The following MDN1 variants were observed in gnomAD, a reference collection of about 807,000 sequenced individuals.
MDN1 encodes midasin.
In MDN1, 266 loss-of-function variants were observed where a neutral mutation model predicts 669.2. The ratio of observed to expected loss-of-function variants is 0.40; its 90% CI spans 0.36 to 0.44. The LOEUF (loss-of-function observed/expected upper bound fraction) is 0.44. MDN1 is among the 20% of genes least tolerant of loss of function. The pLI is 1.00. For missense variants in MDN1, 5,940 were observed against 6,754.0 expected (o/e 0.88, Z 4.22); for synonymous variants, 2,385 against 2,457.1 (o/e 0.97, Z 0.87).
intron 18 of MDN1, 73 bp from the exon 19 acceptor site, chr6:89,758,424 G>A: frequency 8.0e-7 from 1 of 1,249,868 alleles, no homozygotes; most frequent in Non-Finnish European, 1.1e-6. Flanking sequence ...GGCCCAGCCA[G>A]CCTGATGCTG....
chr6:89,664,633 A>C lies in MDN1; in HGVS notation c.14095-5T>G. 6.3e-7 allele frequency: 1 copy of C among 1,598,954 alleles called. No homozygotes were observed. Among genetic ancestry groups the C allele is most frequent in the Non-Finnish European group, 8.5e-7 (1 of 1,170,416 alleles). The stretch of plus-strand genomic sequence containing the variant: ...CTTCTGAAATGTATCTTCCACCTAC[A>C]TAAAGAAGTATTAAACATAAATAAA... On this transcript the variant is annotated splice_region_variant and splice_polypyrimidine_tract_variant and intron_variant, in intron 84 of 101. Transcript: ENST00000369393.
chr6:89,803,326 A>C lies in MDN1; in HGVS notation c.329+2T>G, dbSNP rs1326827251. On this transcript the variant is annotated splice_donor_variant, in intron 2 of 101. Transcript: ENST00000369393. LOFTEE classifies it high-confidence loss of function. ...AATGCGAATAATAAAATTGCTACTC[A>C]CGGGAGGACATCAGGATGGTTACCA... is the stretch of plus-strand genomic sequence containing the variant. 1 of 1,612,342 alleles carries C rather than the reference A, an allele frequency of 6.2e-7. No homozygotes were observed. The highest frequency in any genetic ancestry group is 1.1e-5 in the South Asian group (1 of 91,040).
At chr6:89,662,711 A>T in intron 86 of MDN1, 81 bp downstream of exon 86, 1 of 1,418,722 alleles carries the variant, frequency 7.0e-7, no homozygotes, top group Non-Finnish European at 9.7e-7. Context: ...AAAAGAAGAG[A>T]AGTAAATGAC....
At chr6:89,809,993 TAAAAAAAAAAAAAAAAAAAAAA>T (rs61558155) in intron 1 of MDN1, among the ~76,000 whole-genome samples, 1 of 52,840 alleles carries the variant, frequency 1.9e-5, no homozygotes, top group African/African-American at 7.8e-5. Flanking sequence ...TCCGTTTCAC[TAAAAAAAAAAAAAAAAAAAAAA>T]AAAAAAAAAA....
At chr6:89,706,001 T>A (rs1203351676) in intron 53 of MDN1, 58 bp downstream of exon 53, 13 of 1,470,560 alleles carry the variant, frequency 8.8e-6, no homozygotes, top group Non-Finnish European at 1.2e-5. Context: ...CTAAGAATCT[T>A]TATGCCAAGA....
chr6:89,732,582 C>T lies in MDN1; in HGVS notation c.4917G>A (p.Leu1639=). The change falls in exon 34 of 102, where the codon CTG becomes CTA. Residue 1639 remains leucine (L), a synonymous_variant. Transcript: ENST00000369393. The part of the protein sequence containing the change: ...TVTSFVHAAC[L]VYIDGIGSGV... ...CTGAACCTATTCCATCTATGTACACCAGGCATGCAGCATGGACAAAAGATG... is the reference window on the plus strand; with the variant it reads ...CTGAACCTATTCCATCTATGTACACTAGGCATGCAGCATGGACAAAAGATG... 1 of 1,614,108 alleles carries T rather than the reference C, an allele frequency of 6.2e-7. No individual in the cohort carries two copies. Among genetic ancestry groups the T allele is most frequent in the South Asian group, 1.1e-5 (1 of 91,070 alleles).
At chr6:89,725,137 AT>A (rs1815132428) in intron 38 of MDN1, 61 bp downstream of exon 38, 50 of 1,465,482 alleles carry the variant, frequency 3.4e-5, no homozygotes, top group Non-Finnish European at 4.7e-5. Context: ...TAAAGGCTTC[AT>A]AATAGTAGTC....
At chr6:89,726,779 A>C (rs1815266615) in intron 37 of MDN1, among the ~76,000 whole-genome samples, 2 of 152,190 alleles carry the variant, frequency 1.3e-5, no homozygotes, top group Non-Finnish European at 2.9e-5. Context: ...TAACATAGAA[A>C]AAGGAGATCG....
In MDN1 at chr6:89,707,422, A is replaced by T; in HGVS notation, c.7953T>A (p.Val2651=). 6.2e-7 allele frequency: 1 copy of T among 1,614,136 alleles called. No homozygotes were observed. The highest frequency in any genetic ancestry group is 8.5e-7 in the Non-Finnish European group (1 of 1,179,988). ...CTCTTAGCTTTTTGCTACCAACAGA[A>T]ACCAAATTTGCTTCAGTAAAAACCC... ...EKRVFTEANL[V]SVGSKKLRES... is the part of the protein sequence containing the mutation. The change falls in exon 52 of 102, where the codon GTT becomes GTA. Residue 2651 remains valine, a synonymous_variant. Coordinates refer to ENST00000369393, the MANE Select transcript of MDN1 (RefSeq NM_014611.3).
chr6:89,746,601 A>AC (rs1816631340), intron 27 of MDN1, among the ~76,000 whole-genome samples: 3 of 48,318 alleles, frequency 6.2e-5, no homozygotes, highest in African/African-American at 2.3e-4. Flanking sequence ...CTCAAAAAAA[A>AC]AAAAAAAAAA....
rs765830778 is a variant in MDN1 at position 89,750,426 on chromosome 6, C to T, written c.3334G>A (p.Glu1112Lys). 6.2e-6 allele frequency: 10 copies of T among 1,613,876 alleles called. No individual in the cohort carries two copies. Among genetic ancestry groups the T allele is most frequent in the Admixed American group, 1.7e-5 (1 of 59,988 alleles). ...ATGTACTCCTGAATATCCGTGTGTT[C>T]GTGATTATTAATACGCACACAGTGG... ...GNHCVRINNH[E>K]HTDIQEYIGC... is the part of the protein sequence containing the mutation. The change falls in exon 24 of 102, where the codon GAA (glutamate) becomes AAA (lysine). Residue 1112 changes from glutamate (E) to lysine (K), a missense_variant. Glu to Lys is a moderately conservative substitution (Grantham distance 56). Coordinates refer to ENST00000369393, the MANE Select transcript of MDN1 (RefSeq NM_014611.3).
At chr6:89,683,928 A>C in intron 71 of MDN1, 24 bp from the exon 72 acceptor site, 1 of 1,563,194 alleles carries the variant, frequency 6.4e-7, no homozygotes, top group Non-Finnish European at 8.8e-7. Flanking sequence ...GATGTTCAAG[A>C]AATGGCTTTA....
chr6:89,758,355 T>G lies in MDN1; in HGVS notation c.2606-4A>C. The G allele has an allele frequency of 6.3e-7, 1 of 1,599,048 alleles. No homozygotes were observed. ...TCAGGATGCCGAACCAGTGGCTCTG[T>G]TAAGAGAAAATTACAAATTCTCAAC... On this transcript the variant is annotated splice_polypyrimidine_tract_variant and splice_region_variant and intron_variant, in intron 18 of 101. Coordinates refer to ENST00000369393, the MANE Select transcript of MDN1 (RefSeq NM_014611.3).
chr6:89,809,833 T>TAAAACAAAATAAAAA (rs1252511994), intron 1 of MDN1, among the ~76,000 whole-genome samples: 2 of 135,870 alleles, frequency 1.5e-5, no homozygotes, highest in African/African-American at 5.5e-5. Flanking sequence ...TAAAATAAAA[T>TAAAACAAAATAAAAA]AAAAAATTAG....
At chr6:89,689,271 G>A (rs1171489156) in intron 65 of MDN1, among the ~76,000 whole-genome samples, 2 of 152,226 alleles carry the variant, frequency 1.3e-5, no homozygotes, top group African/African-American at 4.8e-5. Flanking sequence ...AAGCTCTCAA[G>A]TTTCTGGAAT....
Position 89,747,457 on chromosome 6 carries a change from C to A in MDN1, c.3776G>T (p.Ser1259Ile), listed in dbSNP as rs1372615024. The change falls in exon 27 of 102, where the codon AGT becomes ATT. Residue 1259 changes from serine (S) to isoleucine (I), a missense_variant. Physicochemically the swap from Ser to Ile is moderately radical, Grantham distance 142 (BLOSUM62 -2). Transcript: ENST00000369393. Reference sequence around the variant, plus strand: ...CTGCTTTCCAGCAAACACTGAAGAACTTCTGCGATAGGACTGTTGAAGTAT... The same window carrying A: ...CTGCTTTCCAGCAAACACTGAAGAAATTCTGCGATAGGACTGTTGAAGTAT... ...VMLDLQSYRR[S>I]SSVFAGKQGF... 6.2e-7 allele frequency: 1 copy of A among 1,613,576 alleles called. No homozygotes were observed. The highest frequency in any genetic ancestry group is 1.1e-5 in the South Asian group (1 of 91,010).
chr6:89,705,460 A>C (rs1054593674), intron 53 of MDN1, among the ~76,000 whole-genome samples: 2 of 152,224 alleles, frequency 1.3e-5, no homozygotes, highest in African/African-American at 4.8e-5. Context: ...ATAATGTCTA[A>C]GAGGACTTAA....
rs143316988 is a variant in MDN1, at chr6:89,727,504, G to T, written c.5472+329C>A. On this transcript the variant is annotated intron_variant, in intron 37 of 101. Transcript: ENST00000369393. ...CCGGTGCACTAATAAAACATGAAGC[G>T]GTTGACGCTATTTATAAAATGCCTC... Among the ~76,000 whole-genome samples the T allele has an allele frequency of 1.3e-3, 202 of 152,174 alleles. 1 individual carries two copies. The highest frequency in any genetic ancestry group is 4.8e-3 in the African/African-American group (199 of 41,514).
intron 85 of MDN1, 90 bp downstream of exon 85, chr6:89,664,397 A>C: frequency 1.3e-6 from 2 of 1,508,880 alleles, no homozygotes; most frequent in Non-Finnish European, 1.8e-6. Context: ...TCAAAAGATT[A>C]TATTGGGTTC....
Sources: allele counts gnomAD v4.1 joint callset (sites outside exome capture counted in the v4.1 genomes callset), GRCh38; gene constraint gnomAD v4.1.1; transcripts MANE v1.5; gene names NCBI Gene and HGNC (gene_info 2026-07-23, HGNC 2026-07-21).